The following PHLPP1 variants were observed in gnomAD, a reference collection of about 807,000 sequenced individuals.
PHLPP1 encodes the protein PH domain leucine-rich repeat-containing protein phosphatase 1.
In PHLPP1, 42 loss-of-function variants were observed where a neutral mutation model predicts 117.2. That is an observed-to-expected ratio of 0.36 (90% CI 0.28 to 0.46). The LOEUF is 0.46. Ranked by LOEUF, PHLPP1 falls within the 20% of genes least tolerant of loss-of-function variation. The pLI is 1.00. For missense variants in PHLPP1, 2,084 were observed against 2,241.9 expected (o/e 0.93, Z 1.42); for synonymous variants, 1,042 against 970.7 (o/e 1.07, Z -1.37).
rs1491446982 is a variant in PHLPP1, at chr18:62,766,102, T to TATATATATATATATAA, written c.1576+48844_1576+48845insTATATATATATATAAA. 5.1e-4 allele frequency among the ~76,000 whole-genome samples: 31 copies of TATATATATATATATAA among 60,698 alleles called. 2 individuals carry two copies. The highest frequency in any genetic ancestry group is 1.0e-3 in the South Asian group (2 of 1,932). 39.8% of individuals were successfully genotyped at this position (60,698 alleles called of 152,430 possible). ...ATATATATATATATATATATATATA[T>TATATATATATATATAA]AAAATATATATATATTTGTACAGAA... is the stretch of plus-strand genomic sequence containing the variant. On this transcript the variant is annotated intron_variant, in intron 1 of 16. Coordinates refer to ENST00000262719, the MANE Select transcript of PHLPP1 (RefSeq NM_194449.4).
chr18:62,784,071 C>T (rs73963476), intron 1 of PHLPP1, among the ~76,000 whole-genome samples: 137 of 151,414 alleles, frequency 9.0e-4, no homozygotes, highest in African/African-American at 3.2e-3. Context: ...AGATTCAAGA[C>T]GATGGGGAGT....
chr18:62,894,861 GTGCTGC>G (rs1236459941), intron 4 of PHLPP1, 144 bp from the exon 5 acceptor site: 6 of 572,692 alleles, frequency 1.0e-5, no homozygotes, highest in Non-Finnish European at 9.4e-6. Flanking sequence ...GTGCATTCCA[GTGCTGC>G]TGCTCCTTAA....
intron 1 of PHLPP1, among the ~76,000 whole-genome samples, chr18:62,823,321 G>A (rs138472898): frequency 0.012 from 1,819 of 152,148 alleles, 16 homozygotes; most frequent in Middle Eastern, 0.037. Flanking sequence ...ATCCTAACAC[G>A]TGGGGGCCGA....
chr18:62,789,569 G>T (rs912124300), intron 1 of PHLPP1, among the ~76,000 whole-genome samples: 3 of 151,966 alleles, frequency 2.0e-5, no homozygotes, highest in Admixed American at 6.6e-5. Flanking sequence ...AGGGGGTGGG[G>T]ACTGACTCCC....
chr18:62,804,261 C>T (rs1000048266), intron 1 of PHLPP1, among the ~76,000 whole-genome samples: 15 of 152,130 alleles, frequency 9.9e-5, no homozygotes, highest in Non-Finnish European at 1.9e-4. Context: ...CCCCATGATC[C>T]AATCACTTCC....
intron 1 of PHLPP1, chr18:62,826,156 T>A (rs1914608088): frequency 3.1e-6 from 1 of 324,918 alleles, no homozygotes; most frequent in African/African-American, 2.2e-5. Flanking sequence ...ATTTATTTAT[T>A]TGTTTTTTTT....
In PHLPP1 at chr18:62,975,290, G is replaced by A. The variant is rs1230141594; in HGVS notation, c.3756-107G>A. 6 of 729,072 alleles carry A rather than the reference G, an allele frequency of 8.2e-6. No homozygotes were observed. In the African/African-American group the frequency reaches 8.7e-5, roughly 11 times the overall value. 45.2% of individuals were successfully genotyped at this position (729,072 alleles called of 1,614,324 possible). A position where few individuals can be genotyped will look rare whatever the true frequency, so the allele number is the denominator to read the frequency against. ...TGAAGGAGGCGGAGTGGAATCCCCA[G>A]CTGTCTCCTTCCTGGCCCTGTCCAG... On this transcript the variant is annotated intron_variant, in intron 15 of 16. Transcript: ENST00000262719.
chr18:62,959,408 T>C (rs1910703598), intron 13 of PHLPP1, among the ~76,000 whole-genome samples: 1 of 152,228 alleles, frequency 6.6e-6, no homozygotes, highest in Admixed American at 6.5e-5. Context: ...ATTTTTGCAT[T>C]ATAAATTTGT....
intron 10 of PHLPP1, 81 bp downstream of exon 10, chr18:62,920,195 G>T (rs987887829): frequency 1.6e-4 from 201 of 1,292,278 alleles, no homozygotes; most frequent in Non-Finnish European, 2.1e-4. Context: ...ACCTGAGACT[G>T]TATAAACTTT....
chr18:62,783,155 A>G (rs897562522), intron 1 of PHLPP1, among the ~76,000 whole-genome samples: 6 of 151,184 alleles, frequency 4.0e-5, no homozygotes, highest in Admixed American at 3.9e-4. Flanking sequence ...AGTTTTAAAA[A>G]AAAAAAAAAA....
At chr18:62,970,158 T>C (rs1357441708) in intron 14 of PHLPP1, among the ~76,000 whole-genome samples, 1 of 152,236 alleles carries the variant, frequency 6.6e-6, no homozygotes, top group East Asian at 1.9e-4. Context: ...TAGTGTGATA[T>C]TTAACTCATT....
Position 62,716,512 on chromosome 18 carries a change from C to A in PHLPP1, c.829C>A (p.Arg277=). 1 of 1,198,430 alleles carries A rather than the reference C, an allele frequency of 8.3e-7. No homozygotes were observed. The highest frequency in any genetic ancestry group is 1.0e-6 in the Non-Finnish European group (1 of 968,432). The allele number at this position is 1,198,430 out of a possible 1,614,324, so 74.2% of individuals were successfully genotyped here. The part of the protein sequence containing the change: ...AGPRLAPPEP[R]DSEVPPARSA... ...CCCCCGGCTGGCGCCCCCGGAGCCG[C>A]GGGACTCGGAGGTACCGCCCGCGAG... Residue 277 remains arginine (R), a synonymous_variant, in exon 1 of 17, where the codon CGG becomes AGG. Transcript: ENST00000262719. The surrounding 1 kb of genome is among the most constrained non-coding windows in gnomAD (Gnocchi z 5.7).
chr18:62,979,622 G>A lies in PHLPP1; in HGVS notation c.*191G>A. 1 of 611,248 alleles carries A rather than the reference G, an allele frequency of 1.6e-6. No homozygotes were observed. The highest frequency in any genetic ancestry group is 2.9e-6 in the Non-Finnish European group (1 of 350,566). 37.9% of individuals were successfully genotyped at this position (611,248 alleles called of 1,614,324 possible). A position where few individuals can be genotyped will look rare whatever the true frequency, so the allele number is the denominator to read the frequency against. ...TTTAAGTAATCACCACTTTCTTCTAGTGATGCTTTACCAATATGATTTACA... is the reference window on the plus strand; with the variant it reads ...TTTAAGTAATCACCACTTTCTTCTAATGATGCTTTACCAATATGATTTACA... On this transcript the variant is annotated 3_prime_UTR_variant, in exon 17 of 17. Coordinates refer to ENST00000262719, the MANE Select transcript of PHLPP1 (RefSeq NM_194449.4).
intron 3 of PHLPP1, among the ~76,000 whole-genome samples, chr18:62,847,094 G>A (rs78984139): frequency 9.2e-5 from 14 of 152,088 alleles, no homozygotes; most frequent in East Asian, 1.9e-4. Flanking sequence ...TTTGCTTATC[G>A]TCTCATAACA....
At chr18:62,719,335 T>C (rs1910848582) in intron 1 of PHLPP1, among the ~76,000 whole-genome samples, 1 of 152,234 alleles carries the variant, frequency 6.6e-6, no homozygotes. Context: ...TAAGTTAATA[T>C]ACCAGACATC....
chr18:62,894,350 C>G (rs1458105739), intron 4 of PHLPP1, among the ~76,000 whole-genome samples: 1 of 152,070 alleles, frequency 6.6e-6, no homozygotes, highest in African/African-American at 2.4e-5. Context: ...GGTGCACCAC[C>G]AGGCCCGGCT....
At chr18:62,773,309 T>A (rs140242973) in intron 1 of PHLPP1, among the ~76,000 whole-genome samples, 1 of 152,212 alleles carries the variant, frequency 6.6e-6, no homozygotes, top group Admixed American at 6.5e-5. Context: ...CAAGTCTCCA[T>A]AGGTAGAAGG....
intron 1 of PHLPP1, among the ~76,000 whole-genome samples, chr18:62,782,850 G>A (rs2144280446): frequency 6.6e-6 from 1 of 152,272 alleles, no homozygotes; most frequent in Admixed American, 6.5e-5. Flanking sequence ...GACAGATTAA[G>A]ATCAGATGTT....
At chr18:62,771,709 C>G (rs1912784753) in intron 1 of PHLPP1, among the ~76,000 whole-genome samples, 1 of 152,202 alleles carries the variant, frequency 6.6e-6, no homozygotes, top group Non-Finnish European at 1.5e-5. Context: ...AATGTTTCCT[C>G]TAGAGTCATC....
Sources: gnomAD v4.1 joint callset for allele counts (sites outside exome capture counted in the v4.1 genomes callset) on GRCh38, gnomAD v4.1.1 for gene constraint, Gnocchi (gnomAD v3.1) non-coding constraint, MANE v1.5 for transcripts, NCBI Gene and HGNC (gene_info 2026-07-23, HGNC 2026-07-21) for gene names.